SCARA5: variants seen among roughly 807,000 people sequenced by gnomAD.
SCARA5 encodes scavenger receptor class A member 5, also known as scavenger receptor class A, member 5 (putative).
A neutral mutation model predicts 46.3 loss-of-function variants in SCARA5; 45 were observed. The observed-to-expected ratio is 0.97, with a 90% CI of 0.76 to 1.24. The LOEUF (loss-of-function observed/expected upper bound fraction) is 1.24, where lower values mean the gene tolerates loss of function less well. Ranked by LOEUF, SCARA5 falls within the 50% of genes most tolerant of loss-of-function variation. The pLI is 0.00. For missense variants in SCARA5, 680 were observed against 689.0 expected, an observed-to-expected ratio of 0.99 and a Z score of 0.15; for synonymous variants, 333 against 306.5, an observed-to-expected ratio of 1.09 and a Z score of -0.90.
chr8:27,906,284 G>A (rs1018402391), intron 6 of SCARA5, among the ~76,000 whole-genome samples: 15 of 152,340 alleles, frequency 9.8e-5, no homozygotes, highest in South Asian at 2.1e-4. Context: ...CCGCAGTGAT[G>A]CTACGAGGCT....
intron 3 of SCARA5, among the ~76,000 whole-genome samples, chr8:27,931,972 A>C (rs1807781225): frequency 9.7e-6 from 1 of 102,798 alleles, no homozygotes; most frequent in Admixed American, 1.2e-4. Context: ...GTGCATTTTT[A>C]ATTCTTTTAT....
intron 8 of SCARA5, 45 bp downstream of exon 8, chr8:27,879,523 AT>A (rs760681732): frequency 1.3e-6 from 2 of 1,570,658 alleles, no homozygotes; most frequent in South Asian, 2.2e-5. Context: ...CAGTCCTAGG[AT>A]GTGCAGGCCC....
chr8:27,948,819 G>A (rs1468880254), intron 3 of SCARA5, among the ~76,000 whole-genome samples: 1 of 152,238 alleles, frequency 6.6e-6, no homozygotes, highest in Non-Finnish European at 1.5e-5. Context: ...ATAAGCCCCA[G>A]CCTTATCAAG....
chr8:27,987,595 G>A lies in SCARA5; in HGVS notation c.21C>T (p.Tyr7=). The part of the protein sequence containing the change: MENKAM[Y]LHTVSDCDTS... The stretch of plus-strand genomic sequence containing the variant: ...TGTCACAGTCGCTGACGGTGTGTAG[G>A]TACATAGCTTTGTTCTCCATCACAC... The change falls in exon 2 of 9, where the codon TAC becomes TAT. Residue 7 remains tyrosine (Y), a synonymous_variant. Coordinates refer to ENST00000354914, the MANE Select transcript of SCARA5 (RefSeq NM_173833.6). The A allele has an allele frequency of 1.9e-6, 3 of 1,613,706 alleles. No homozygotes were observed. The highest frequency in any genetic ancestry group is 2.5e-6 in the Non-Finnish European group (3 of 1,179,594).
intron 3 of SCARA5, among the ~76,000 whole-genome samples, chr8:27,950,706 G>A (rs1808110122): frequency 6.6e-6 from 1 of 152,068 alleles, no homozygotes; most frequent in Admixed American, 6.5e-5. Context: ...TCTAACACAT[G>A]GGGACTAGGG....
intron 1 of SCARA5, among the ~76,000 whole-genome samples, chr8:27,991,658 G>GA (rs1808787540): frequency 1.3e-5 from 2 of 151,944 alleles, no homozygotes; most frequent in Non-Finnish European, 2.9e-5. Flanking sequence ...CAAAACCAAG[G>GA]AAAAAAATCA....
intron 3 of SCARA5, among the ~76,000 whole-genome samples, chr8:27,933,116 C>A (rs1303401617): frequency 6.6e-6 from 1 of 152,184 alleles, no homozygotes; most frequent in African/African-American, 2.4e-5. Context: ...TTTAACATCC[C>A]TGGTTAGCAG....
intron 4 of SCARA5, among the ~76,000 whole-genome samples, chr8:27,918,489 G>A (rs1348747006): frequency 2.4e-5 from 3 of 124,926 alleles, no homozygotes; most frequent in Admixed American, 9.0e-5. Flanking sequence ...ATTTGGGTGG[G>A]CGAGGAGGAG....
intron 4 of SCARA5, among the ~76,000 whole-genome samples, chr8:27,911,901 GA>G (rs954070370): frequency 1.6e-4 from 25 of 152,130 alleles, no homozygotes; most frequent in African/African-American, 5.3e-4. Flanking sequence ...TATAAGAAGG[GA>G]AAACAGAGAC....
At position 27,904,618 on chromosome 8, in the gene SCARA5, G is replaced by A. The variant is rs116550930; in HGVS notation, c.1153+160C>T. On this transcript the variant is annotated intron_variant, in intron 7 of 8. Transcript: ENST00000354914. ...CCCCTGGGGTCTATCAGCATCTCTT[G>A]CTAGACCAGCAGAGCCCTAAAAAAG... The A allele has an allele frequency of 1.6e-3, 1,182 of 741,800 alleles. 12 individuals are homozygous for A. The African/African-American group carries it at 0.018, about 11-fold the overall frequency. 46.0% of individuals were successfully genotyped at this position (741,800 alleles called of 1,614,324 possible). A position where few individuals can be genotyped will look rare whatever the true frequency, so the allele number is the denominator to read the frequency against.
In SCARA5 at chr8:27,871,615, A is replaced by G. The variant is rs76975604; in HGVS notation, c.*319T>C. ...GCATTCACCTGTAACTAAAAGGCCA[A>G]AGGGAACTGGGATATTGAGGCCTGG... On this transcript the variant is annotated 3_prime_UTR_variant, in exon 9 of 9. Coordinates refer to ENST00000354914, the MANE Select transcript of SCARA5 (RefSeq NM_173833.6). 8,374 of 1,210,552 alleles carry G rather than the reference A, an allele frequency of 6.9e-3. 456 individuals are homozygous for G. In the African/African-American group the frequency reaches 0.11, roughly 16 times the overall value. 75.0% of individuals were successfully genotyped at this position (1,210,552 alleles called of 1,614,324 possible). A position where few individuals can be genotyped will look rare whatever the true frequency, so the allele number is the denominator to read the frequency against.
chr8:27,987,709 G>C (rs1374892998), intron 1 of SCARA5, 79 bp from the exon 2 acceptor site: 16 of 828,322 alleles, frequency 1.9e-5, no homozygotes, highest in Non-Finnish European at 3.3e-5. Context: ...GGTGGAAACA[G>C]AAGCAAATGG....
chr8:27,951,759 G>A (rs1448791019), intron 3 of SCARA5, among the ~76,000 whole-genome samples: 1 of 152,256 alleles, frequency 6.6e-6, no homozygotes, highest in African/African-American at 2.4e-5. Flanking sequence ...CAAGGCTGGA[G>A]AAGAGGAGGT....
intron 3 of SCARA5, among the ~76,000 whole-genome samples, chr8:27,931,743 C>T (rs1053894233): frequency 6.6e-6 from 1 of 152,044 alleles, no homozygotes; most frequent in Admixed American, 6.6e-5. Flanking sequence ...TCACTGCAAC[C>T]TCTGCCTCCC....
At chr8:27,893,204 T>C (rs528920302) in intron 7 of SCARA5, among the ~76,000 whole-genome samples, 1 of 152,184 alleles carries the variant, frequency 6.6e-6, no homozygotes, top group African/African-American at 2.4e-5. Context: ...TCCCCAGGGC[T>C]TGGTTCCTGG....
At chr8:27,983,085 C>G (rs956988210) in intron 2 of SCARA5, among the ~76,000 whole-genome samples, 1 of 152,154 alleles carries the variant, frequency 6.6e-6, no homozygotes, top group Non-Finnish European at 1.5e-5. Flanking sequence ...CTGCTCTCAC[C>G]TCTGGTGGTG....
intron 7 of SCARA5, among the ~76,000 whole-genome samples, chr8:27,900,462 CT>C (rs1426628408): frequency 1.2e-4 from 19 of 152,350 alleles, no homozygotes; most frequent in African/African-American, 4.6e-4. Context: ...CCCAGACTTA[CT>C]TCCCTAAATA....
At chr8:27,958,942 C>T (rs1476659142) in intron 3 of SCARA5, among the ~76,000 whole-genome samples, 2 of 152,070 alleles carry the variant, frequency 1.3e-5, no homozygotes, top group Admixed American at 6.6e-5. Context: ...ACTAGAAAGT[C>T]TCATGAGAGG....
chr8:27,909,627 T>C (rs1331288039), intron 5 of SCARA5, 36 bp downstream of exon 5: 1 of 1,409,370 alleles, frequency 7.1e-7, no homozygotes, highest in Non-Finnish European at 9.8e-7. Flanking sequence ...GGATTGGGGA[T>C]CTCTCCCAGG....
Sources: allele counts gnomAD v4.1 joint callset (sites outside exome capture counted in the v4.1 genomes callset), GRCh38; gene constraint gnomAD v4.1.1; transcripts MANE v1.5; gene names NCBI Gene and HGNC (gene_info 2026-07-23, HGNC 2026-07-21).